Variants in ARID2 observed in about 807,000 individuals in gnomAD.
The protein encoded by ARID2 is AT-rich interactive domain-containing protein 2.
In ARID2, 32 loss-of-function variants were observed where a neutral mutation model predicts 184.6. The ratio of observed to expected loss-of-function variants is 0.17; its 90% CI spans 0.13 to 0.23. The LOEUF is 0.23. ARID2 is among the 10% of genes least tolerant of loss of function. The pLI, the probability that ARID2 is intolerant of heterozygous loss-of-function variation, is 1.00. For missense variants in ARID2, 1,696 were observed against 2,197.6 expected (o/e 0.77, Z 4.56); for synonymous variants, 836 against 772.6 (o/e 1.08, Z -1.36).
chr12:45,799,598 A>C (rs188146805), intron 3 of ARID2, among the ~76,000 whole-genome samples: 1 of 152,348 alleles, frequency 6.6e-6, no homozygotes, highest in African/African-American at 2.4e-5. Context: ...GGAAAATACA[A>C]TAAACCTTTG....
At chr12:45,838,990 C>T (rs926176735) in intron 10 of ARID2, among the ~76,000 whole-genome samples, 2 of 151,202 alleles carry the variant, frequency 1.3e-5, no homozygotes, top group Admixed American at 6.6e-5. Context: ...CTCAGCCTTC[C>T]GAGTAGCTGG....
chr12:45,815,416 A>T (rs1309019523), intron 4 of ARID2, among the ~76,000 whole-genome samples: 1 of 152,222 alleles, frequency 6.6e-6, no homozygotes, highest in Non-Finnish European at 1.5e-5. Flanking sequence ...TCTGTGTCAT[A>T]GCCATTAAAA....
chr12:45,751,190 A>G (rs990257248), intron 3 of ARID2, among the ~76,000 whole-genome samples: 1 of 152,218 alleles, frequency 6.6e-6, no homozygotes, highest in Non-Finnish European at 1.5e-5. Context: ...TCGTTAGACA[A>G]ACTGGACTGG....
chr12:45,809,824 G>A (rs1412686281), intron 3 of ARID2, among the ~76,000 whole-genome samples: 1 of 152,136 alleles, frequency 6.6e-6, no homozygotes, highest in East Asian at 1.9e-4. Context: ...AAAGCTGGAA[G>A]GGGAAAATGA....
At chr12:45,786,798 T>C (rs919462167) in intron 3 of ARID2, among the ~76,000 whole-genome samples, 1 of 152,192 alleles carries the variant, frequency 6.6e-6, no homozygotes, top group Non-Finnish European at 1.5e-5. Context: ...CACAGTGTAA[T>C]ACTATTCAGC....
At chr12:45,872,557 C>G (rs898804979) in intron 16 of ARID2, among the ~76,000 whole-genome samples, 2 of 152,090 alleles carry the variant, frequency 1.3e-5, no homozygotes, top group African/African-American at 4.8e-5. Flanking sequence ...GGGAAGTAAA[C>G]ACGTCCTTCA....
At chr12:45,779,942 C>T (rs1480378172) in intron 3 of ARID2, among the ~76,000 whole-genome samples, 1 of 152,056 alleles carries the variant, frequency 6.6e-6, no homozygotes, top group African/African-American at 2.4e-5. Flanking sequence ...CATTTGCTTA[C>T]AATATTTATA....
chr12:45,904,654 A>G (rs1650008), intron 20 of ARID2, among the ~76,000 whole-genome samples: 90,422 of 145,808 alleles, frequency 0.62, 29,831 homozygotes, highest in African/African-American at 0.87. Flanking sequence ...TTGCGCCATT[A>G]CACTCCAGCC....
chr12:45,795,826 T>A (rs1291152058), intron 3 of ARID2, among the ~76,000 whole-genome samples: 1 of 152,144 alleles, frequency 6.6e-6, no homozygotes, highest in Non-Finnish European at 1.5e-5. Flanking sequence ...TACTTGCCTT[T>A]GCTCCCCACT....
At chr12:45,783,127 C>CT (rs905340118) in intron 3 of ARID2, among the ~76,000 whole-genome samples, 30 of 150,690 alleles carry the variant, frequency 2.0e-4, no homozygotes, top group African/African-American at 7.3e-4. Flanking sequence ...GAGTAAGACT[C>CT]TGTCTCCAAA....
At chr12:45,793,637 AG>A (rs1942333417) in intron 3 of ARID2, among the ~76,000 whole-genome samples, 2 of 151,528 alleles carry the variant, frequency 1.3e-5, no homozygotes, top group African/African-American at 4.8e-5. Context: ...TAAATCCCAG[AG>A]GACAATATAT....
intron 16 of ARID2, among the ~76,000 whole-genome samples, chr12:45,878,495 T>G (rs1355604555): frequency 6.6e-6 from 1 of 152,166 alleles, no homozygotes; most frequent in East Asian, 1.9e-4. Flanking sequence ...CACTGATTCT[T>G]TCCTTATCTG....
chr12:45,884,666 A>G (rs971325113), intron 16 of ARID2, among the ~76,000 whole-genome samples: 4 of 152,198 alleles, frequency 2.6e-5, no homozygotes, highest in African/African-American at 9.7e-5. Flanking sequence ...TTTTCCTGTA[A>G]TAATTATTAG....
chr12:45,815,541 A>G (rs1316198949), intron 4 of ARID2, among the ~76,000 whole-genome samples: 1 of 152,024 alleles, frequency 6.6e-6, no homozygotes, highest in African/African-American at 2.4e-5. Flanking sequence ...TACTTACATG[A>G]TATTCTTCTG....
chr12:45,842,035 A>AT (rs1257657683), intron 11 of ARID2: 2 of 152,030 alleles, frequency 1.3e-5, no homozygotes, highest in African/African-American at 4.8e-5. Flanking sequence ...AGGCAGAAGG[A>AT]TCACTGGAGG....
rs1320692187 is a variant in ARID2, at chr12:45,860,777, C to T, written c.4774-24C>T. On this transcript the variant is annotated intron_variant, in intron 15 of 20. Coordinates refer to ENST00000334344, the MANE Select transcript of ARID2 (RefSeq NM_152641.4). ...AATTTTTTCAGTGTCATGTCACAAACTCTGCATTTGTTCTTTTTCACAGAA... is the reference window on the plus strand; with the variant it reads ...AATTTTTTCAGTGTCATGTCACAAATTCTGCATTTGTTCTTTTTCACAGAA... 4 of 1,471,826 alleles carry T rather than the reference C, an allele frequency of 2.7e-6. No individual in the cohort carries two copies. The African/African-American group carries it at 5.7e-5, about 21-fold the overall frequency. The allele number at this position is 1,471,826 out of a possible 1,614,324, so 91.2% of individuals were successfully genotyped here.
At chr12:45,838,371 G>A (rs1167513929) in intron 10 of ARID2, among the ~76,000 whole-genome samples, 1 of 152,154 alleles carries the variant, frequency 6.6e-6, no homozygotes, top group Non-Finnish European at 1.5e-5. Context: ...TAAAGATTCA[G>A]CTTGAAAACT....
intron 3 of ARID2, among the ~76,000 whole-genome samples, chr12:45,808,710 C>T (rs932490159): frequency 4.6e-5 from 7 of 151,220 alleles, no homozygotes; most frequent in Non-Finnish European, 1.0e-4. Context: ...CTCTCCCGGC[C>T]GTTATTAAAA....
chr12:45,838,843 CAG>C (rs953766131), intron 10 of ARID2, among the ~76,000 whole-genome samples: 2 of 150,052 alleles, frequency 1.3e-5, no homozygotes, highest in Admixed American at 1.3e-4. Flanking sequence ...AATCAGTCTT[CAG>C]AGATTGAGCC....
Sources: allele counts gnomAD v4.1 joint callset (sites outside exome capture counted in the v4.1 genomes callset), GRCh38; gene constraint gnomAD v4.1.1; transcripts MANE v1.5; gene names NCBI Gene and HGNC (gene_info 2026-07-23, HGNC 2026-07-21).